PIK3C2G: variants seen among roughly 807,000 people sequenced by gnomAD.
The protein encoded by PIK3C2G is phosphatidylinositol 3-kinase C2 domain-containing subunit gamma.
A neutral mutation model predicts 181.1 loss-of-function variants in PIK3C2G; 168 were observed. The observed-to-expected ratio is 0.93, with a 90% CI of 0.82 to 1.05. PIK3C2G has a LOEUF of 1.05. Ranked by LOEUF, PIK3C2G falls within the 50% of genes least tolerant of loss-of-function variation. PIK3C2G has a pLI of 0.00. For synonymous variants in PIK3C2G, 573 were observed against 592.2 expected, an observed-to-expected ratio of 0.97 and a Z score of 0.47; for missense variants, 1,869 against 1,732.8, an observed-to-expected ratio of 1.08 and a Z score of -1.40.
chr12:18,582,327 G>T (rs1439966147), intron 29 of PIK3C2G, among the ~76,000 whole-genome samples: 1 of 152,124 alleles, frequency 6.6e-6, no homozygotes, highest in South Asian at 2.1e-4. Context: ...GAAATGGTAA[G>T]TGAGTGAGCA....
chr12:18,606,910 C>T lies in PIK3C2G; in HGVS notation c.4088-2625C>T, dbSNP rs1363872079. 3.9e-5 allele frequency among the ~76,000 whole-genome samples: 6 copies of T among 151,966 alleles called. 1 individual carries two copies. The highest frequency in any genetic ancestry group is 2.6e-4 in the Admixed American group (4 of 15,246). The stretch of plus-strand genomic sequence containing the variant: ...AAAAAAACTAAATTTCTCATTTTAA[C>T]GATGTTGCGATACAAATCAAAAGAA... On this transcript the variant is annotated intron_variant, in intron 30 of 32. Transcript: ENST00000538779.
At chr12:18,515,766 G>C (rs1258342181) in intron 24 of PIK3C2G, among the ~76,000 whole-genome samples, 1 of 151,624 alleles carries the variant, frequency 6.6e-6, no homozygotes, top group African/African-American at 2.4e-5. Flanking sequence ...GGCTTAGTTT[G>C]TTCCTGTTTT....
At chr12:18,422,784 T>C (rs985266502) in intron 17 of PIK3C2G, among the ~76,000 whole-genome samples, 1 of 152,068 alleles carries the variant, frequency 6.6e-6, no homozygotes, top group African/African-American at 2.4e-5. Flanking sequence ...TTCTGAAACA[T>C]ACCTCCTGCT....
intron 4 of PIK3C2G, among the ~76,000 whole-genome samples, chr12:18,292,569 C>T (rs148591732): frequency 4.9e-4 from 74 of 152,074 alleles, no homozygotes; most frequent in African/African-American, 1.6e-3. Context: ...ATCAGAAAGA[C>T]CATAGGTTGG....
chr12:18,274,194 C>T (rs1480813273), intron 1 of PIK3C2G, among the ~76,000 whole-genome samples: 1 of 152,146 alleles, frequency 6.6e-6, no homozygotes, highest in Non-Finnish European at 1.5e-5. Context: ...AACACTTTTA[C>T]ACTGTTGGTG....
At chr12:18,292,227 A>AAAAAAATATATAT in intron 4 of PIK3C2G, among the ~76,000 whole-genome samples, 16 of 48,726 alleles carry the variant, frequency 3.3e-4, no homozygotes, top group African/African-American at 4.4e-4. Context: ...AAAAAAAAAA[A>AAAAAAATATATAT]ATATATATAT....
At chr12:18,364,515 G>A (rs1347888905) in intron 12 of PIK3C2G, among the ~76,000 whole-genome samples, 2 of 151,538 alleles carry the variant, frequency 1.3e-5, no homozygotes, top group Admixed American at 6.6e-5. Context: ...TTATTTAGTC[G>A]ACAGCAGGTA....
At chr12:18,435,443 C>G (rs1351380922) in intron 18 of PIK3C2G, among the ~76,000 whole-genome samples, 2 of 152,094 alleles carry the variant, frequency 1.3e-5, no homozygotes, top group Non-Finnish European at 2.9e-5. Flanking sequence ...ACAACTTGAT[C>G]CCAAACTCAT....
At chr12:18,723,498 A>G in the PIK3C2G span, 1 of 1,612,854 alleles carries the variant, frequency 6.2e-7, no homozygotes, top group East Asian at 2.2e-5. Context: ...AAATTGCTCT[A>G]AATTCTTCTA....
chr12:18,311,643 T>C (rs935789042), intron 5 of PIK3C2G, among the ~76,000 whole-genome samples: 2 of 152,118 alleles, frequency 1.3e-5, no homozygotes, highest in African/African-American at 4.8e-5. Context: ...AGTGTAAATA[T>C]GTATCAAATA....
At chr12:18,383,515 G>A (rs1565660016) in intron 14 of PIK3C2G, among the ~76,000 whole-genome samples, 2 of 152,272 alleles carry the variant, frequency 1.3e-5, no homozygotes, top group East Asian at 1.9e-4. Flanking sequence ...TCTCACTAAC[G>A]AGTTTAAGTG....
intron 12 of PIK3C2G, among the ~76,000 whole-genome samples, chr12:18,367,201 A>G (rs1345674698): frequency 6.6e-6 from 1 of 152,252 alleles, no homozygotes; most frequent in Non-Finnish European, 1.5e-5. Context: ...TAAAAGAAAG[A>G]ACATTAAAGA....
chr12:18,270,560 C>T (rs970004201), intron 1 of PIK3C2G, among the ~76,000 whole-genome samples: 1 of 152,054 alleles, frequency 6.6e-6, no homozygotes, highest in Non-Finnish European at 1.5e-5. Flanking sequence ...TCAGTTAAAC[C>T]AGTCCCAATG....
chr12:18,251,075 TAG>T (rs1948091045), intron 1 of PIK3C2G, among the ~76,000 whole-genome samples: 1 of 152,012 alleles, frequency 6.6e-6, no homozygotes, highest in Non-Finnish European at 1.5e-5. Context: ...TTGAATTTTC[TAG>T]AGTTTTTAGA....
chr12:18,361,127 GGATA>G (rs1941204968), intron 11 of PIK3C2G, among the ~76,000 whole-genome samples: 1 of 151,746 alleles, frequency 6.6e-6, no homozygotes, highest in Non-Finnish European at 1.5e-5. Context: ...TTCTCTGGCT[GGATA>G]ATTTCAAATA....
intron 15 of PIK3C2G, among the ~76,000 whole-genome samples, chr12:18,397,166 T>C (rs1219082853): frequency 1.3e-5 from 2 of 151,854 alleles, no homozygotes; most frequent in Non-Finnish European, 2.9e-5. Flanking sequence ...ACCCATGCAA[T>C]AAATGAAAAA....
At chr12:18,276,474 A>G (rs1400489167) in intron 1 of PIK3C2G, among the ~76,000 whole-genome samples, 1 of 152,204 alleles carries the variant, frequency 6.6e-6, no homozygotes, top group Non-Finnish European at 1.5e-5. Flanking sequence ...AAGATCCTGC[A>G]CAAAATTATC....
At chr12:18,399,894 G>A in intron 16 of PIK3C2G, 47 bp downstream of exon 16, 1 of 1,267,948 alleles carries the variant, frequency 7.9e-7, no homozygotes, top group Non-Finnish European at 1.1e-6. Flanking sequence ...AGAAGAACTT[G>A]CTTGAAGAGA....
At chr12:18,440,235 T>C (rs1946667368) in intron 18 of PIK3C2G, among the ~76,000 whole-genome samples, 1 of 151,992 alleles carries the variant, frequency 6.6e-6, no homozygotes, top group African/African-American at 2.4e-5. Context: ...AGAGTTATAA[T>C]CCTGTCCCAT....
Sources: allele counts gnomAD v4.1 joint callset (sites outside exome capture counted in the v4.1 genomes callset), GRCh38; gene constraint gnomAD v4.1.1; transcripts MANE v1.5; gene names NCBI Gene and HGNC (gene_info 2026-07-23, HGNC 2026-07-21).